RORB: variants seen among roughly 807,000 people sequenced by gnomAD.
The protein encoded by RORB is RAR related orphan receptor B, also known as nuclear receptor ROR-beta.
Under a neutral mutation model 59.1 loss-of-function variants are expected in RORB, and 6 were observed. The observed-to-expected ratio is 0.10, with a 90% CI of 0.06 to 0.20. The LOEUF is 0.20. Among genes scored for constraint, RORB ranks in the 10% least tolerant of loss-of-function variants. RORB has a pLI of 1.00. For synonymous variants in RORB, 215 were observed against 204.5 expected (o/e 1.05, Z -0.44); for missense variants, 320 against 560.5 (o/e 0.57, Z 4.33).
chr9:74,498,426 C>A (rs1445245592), intron 1 of RORB: 3 of 168,910 alleles, frequency 1.8e-5, no homozygotes, highest in Non-Finnish European at 3.8e-5. Flanking sequence ...GGTGGACACG[C>A]GCGGGCACAC....
intron 1 of RORB, among the ~76,000 whole-genome samples, chr9:74,608,160 A>C (rs1823178156): frequency 6.6e-6 from 1 of 152,140 alleles, no homozygotes; most frequent in African/African-American, 2.4e-5. Context: ...AAATTTAAGA[A>C]GTGATTGTTA....
At chr9:74,580,295 G>A (rs575739416) in intron 1 of RORB, among the ~76,000 whole-genome samples, 3 of 152,292 alleles carry the variant, frequency 2.0e-5, no homozygotes, top group African/African-American at 7.2e-5. Context: ...CTGTGACACA[G>A]AGAATCTCCA....
At chr9:74,526,950 G>A (rs371196135) in intron 1 of RORB, among the ~76,000 whole-genome samples, 3 of 151,868 alleles carry the variant, frequency 2.0e-5, no homozygotes, top group East Asian at 1.9e-4. Context: ...ACAAACATAA[G>A]CCTTCCTGAA....
chr9:74,533,265 C>G (rs2118105447), intron 1 of RORB, among the ~76,000 whole-genome samples: 1 of 152,058 alleles, frequency 6.6e-6, no homozygotes, highest in South Asian at 2.1e-4. Flanking sequence ...CCGTCAGTGT[C>G]AAAATGTTTT....
At chr9:74,612,654 G>C (rs1207978052) in intron 1 of RORB, among the ~76,000 whole-genome samples, 1 of 151,998 alleles carries the variant, frequency 6.6e-6, no homozygotes, top group Non-Finnish European at 1.5e-5. Context: ...TTTTATCAAG[G>C]CTCAGTAGAC....
intron 1 of RORB, among the ~76,000 whole-genome samples, chr9:74,627,178 A>C (rs1823534928): frequency 1.4e-5 from 2 of 147,198 alleles, no homozygotes; most frequent in African/African-American, 5.0e-5. Flanking sequence ...AAAAAAAAGT[A>C]TAAACTATAA....
intron 2 of RORB, 69 bp downstream of exon 2, chr9:74,630,436 G>T: frequency 8.6e-7 from 1 of 1,158,506 alleles, no homozygotes; most frequent in African/African-American, 1.5e-5. Context: ...AAGATGCGGT[G>T]ACACGTTTTT....
rs979233891 is a variant in RORB at position 74,692,676 on chromosome 9, T to G, written c.*7058T>G. On this transcript the variant is annotated 3_prime_UTR_variant, in exon 10 of 10. Transcript: ENST00000376896. ...ATAAAAATATTCACTCTAAAAAGAATAATAATTCTACTTTTTTAAAAGAAT... is the reference window on the plus strand; with the variant it reads ...ATAAAAATATTCACTCTAAAAAGAAGAATAATTCTACTTTTTTAAAAGAAT... The G allele has an allele frequency of 6.6e-6, 1 of 152,198 alleles. No individual in the cohort carries two copies. The highest frequency in any genetic ancestry group is 2.4e-5 in the African/African-American group (1 of 41,456). The allele number at this position is 152,198 out of a possible 1,614,324, so 9.4% of individuals were successfully genotyped here.
intron 1 of RORB, among the ~76,000 whole-genome samples, chr9:74,623,143 A>G (rs894275792): frequency 1.3e-5 from 2 of 152,184 alleles, no homozygotes; most frequent in East Asian, 1.9e-4. Flanking sequence ...GTACCATTCA[A>G]TTTTTAAAAT....
chr9:74,575,389 T>C (rs1275581075), intron 1 of RORB, among the ~76,000 whole-genome samples: 2 of 152,062 alleles, frequency 1.3e-5, no homozygotes, highest in African/African-American at 4.8e-5. Flanking sequence ...AGTCGATTGT[T>C]TATTTGACAT....
intron 4 of RORB, among the ~76,000 whole-genome samples, chr9:74,657,871 G>C (rs1296043052): frequency 6.6e-6 from 1 of 151,780 alleles, no homozygotes; most frequent in Non-Finnish European, 1.5e-5. Flanking sequence ...CAGGTGTGGT[G>C]GTGGGCACCT....
chr9:74,669,286 C>G (rs754128664), intron 8 of RORB, among the ~76,000 whole-genome samples: 1 of 152,122 alleles, frequency 6.6e-6, no homozygotes, highest in Non-Finnish European at 1.5e-5. Flanking sequence ...TGAGAGCAGC[C>G]TGGCTAACAT....
chr9:74,564,024 T>C (rs1822436883), intron 1 of RORB, among the ~76,000 whole-genome samples: 1 of 152,252 alleles, frequency 6.6e-6, no homozygotes, highest in Non-Finnish European at 1.5e-5. Context: ...CAAAATTTAA[T>C]ATGCCTGTTT....
chr9:74,611,746 C>T (rs1021243727), intron 1 of RORB, among the ~76,000 whole-genome samples: 1 of 152,212 alleles, frequency 6.6e-6, no homozygotes, highest in Non-Finnish European at 1.5e-5. Flanking sequence ...CTCCCAGGCT[C>T]AAGCGATTCT....
intron 1 of RORB, among the ~76,000 whole-genome samples, chr9:74,557,670 C>T (rs1200946812): frequency 6.6e-6 from 1 of 152,042 alleles, no homozygotes; most frequent in African/African-American, 2.4e-5. Flanking sequence ...GTTAACATGG[C>T]TTTCTGCAAC....
At chr9:74,640,671 G>T (rs1426107434) in intron 3 of RORB, among the ~76,000 whole-genome samples, 1 of 152,048 alleles carries the variant, frequency 6.6e-6, no homozygotes, top group Non-Finnish European at 1.5e-5. Flanking sequence ...AATCCAGCAG[G>T]CAAGAAGGAG....
In RORB at chr9:74,665,519, C is replaced by T. The variant is rs1466061456; in HGVS notation, c.924C>T (p.Cys308=). The stretch of plus-strand genomic sequence containing the variant: ...TGGAAGTGGTTTTAGTGAGAATGTG[C>T]CGTGCCTTCAACCCATTAAACAACA... ...GCLEVVLVRM[C]RAFNPLNNTV... Residue 308 remains cysteine, a synonymous_variant, in exon 7 of 10, where the codon TGC becomes TGT. Transcript: ENST00000376896. 16 of 1,609,830 alleles carry T rather than the reference C, an allele frequency of 9.9e-6. No homozygotes were observed. In the Middle Eastern group the frequency reaches 9.9e-4, roughly 100 times the overall value.
rs5898361 is a variant in RORB at position 74,573,464 on chromosome 9, T to TA, written c.8-56797dup. Among the ~76,000 whole-genome samples, 1,158 of 131,792 alleles carry TA rather than the reference T, an allele frequency of 8.8e-3. 25 individuals carry two copies. Among genetic ancestry groups the TA allele is most frequent in the African/African-American group, 0.029 (1,040 of 35,636 alleles). 86.5% of individuals were successfully genotyped at this position (131,792 alleles called of 152,430 possible). On this transcript the variant is annotated intron_variant, in intron 1 of 9. Coordinates refer to ENST00000376896, the MANE Select transcript of RORB (RefSeq NM_006914.4). ...CAACCAAAGGCTGAGCTTTTGTTATTAAAAAAAAAAAAAAAAAAAAACTGG... is the reference window on the plus strand; with the variant it reads ...CAACCAAAGGCTGAGCTTTTGTTATTAAAAAAAAAAAAAAAAAAAAAACTGG...
At chr9:74,658,388 C>G (rs999935251) in intron 4 of RORB, among the ~76,000 whole-genome samples, 3 of 152,152 alleles carry the variant, frequency 2.0e-5, no homozygotes, top group African/African-American at 7.2e-5. Context: ...AACCTTCCCA[C>G]GTATTTATTG....
Sources: gnomAD v4.1 joint callset for allele counts (sites outside exome capture counted in the v4.1 genomes callset) on GRCh38, gnomAD v4.1.1 for gene constraint, MANE v1.5 for transcripts, NCBI Gene and HGNC (gene_info 2026-07-23, HGNC 2026-07-21) for gene names.